The following RP1L1 variants were observed in gnomAD, a reference collection of about 807,000 sequenced individuals.
RP1L1 encodes RP1 like 1, also known as retinitis pigmentosa 1-like 1 protein.
RP1L1 carries 27 observed loss-of-function variants against 15.7 expected under a neutral mutation model. That is an observed-to-expected ratio of 1.72 (90% CI 1.27 to 2.38). RP1L1 has a LOEUF of 2.38. Among genes scored for constraint, RP1L1 ranks in the 30% most tolerant of loss-of-function variants. RP1L1 has a pLI of 0.00. For synonymous variants in RP1L1, 1,813 were observed against 1,276.7 expected, an observed-to-expected ratio of 1.42 and a Z score of -8.96; for missense variants, 4,798 against 3,075.9, an observed-to-expected ratio of 1.56 and a Z score of -13.24.
rs1489654069 is a variant in RP1L1 at position 10,608,247 on chromosome 8, C to A, written c.5851G>T (p.Glu1951Ter). Residue 1951 changes from glutamate to a stop codon, truncating the protein, a stop_gained, in exon 4 of 4, where the codon GAA becomes TAA. Coordinates refer to ENST00000382483, the MANE Select transcript of RP1L1 (RefSeq NM_178857.6). LOFTEE classifies it low-confidence loss of function (END_TRUNC). ...QEAEEAAQEA[E>*]GQTQPESEVI... ...TCTGACTCTGGCTGGGTCTGCCCTTCTGCCTCCTGGGCCGCCTCTTCTGCC... is the reference window on the plus strand; with the variant it reads ...TCTGACTCTGGCTGGGTCTGCCCTTATGCCTCCTGGGCCGCCTCTTCTGCC... 1 of 1,583,556 alleles carries A rather than the reference C, an allele frequency of 6.3e-7. No individual in the cohort carries two copies. Among genetic ancestry groups the A allele is most frequent in the Non-Finnish European group, 8.6e-7 (1 of 1,158,060 alleles).
At chr8:10,627,281 A>T (rs912870017) in intron 1 of RP1L1, among the ~76,000 whole-genome samples, 3 of 152,104 alleles carry the variant, frequency 2.0e-5, no homozygotes, top group African/African-American at 7.2e-5. Context: ...ATATAGACAA[A>T]CAAAGGAGAC....
Position 10,622,752 on chromosome 8 carries a change from G to A in RP1L1, c.450C>T (p.Thr150=), listed in dbSNP as rs753080956. 22 of 1,613,990 alleles carry A rather than the reference G, an allele frequency of 1.4e-5. No individual in the cohort carries two copies. The highest frequency in any genetic ancestry group is 1.7e-5 in the Non-Finnish European group (20 of 1,180,014). The part of the protein sequence containing the change: ...GTSSSRKSLK[T]PRRILLIKNM... ...TCTTAATCAGCAGTATCCTCCGGGG[G>A]GTTTTAAGACTCTTCCGGGAGGAGG... Residue 150 remains threonine (T), a synonymous_variant, in exon 2 of 4, where the codon ACC becomes ACT. Coordinates refer to ENST00000382483, the MANE Select transcript of RP1L1 (RefSeq NM_178857.6).
Position 10,606,728 on chromosome 8 carries a change from A to C in RP1L1, c.*167T>G. The C allele has an allele frequency of 8.6e-7, 1 of 1,161,148 alleles. No individual in the cohort carries two copies. The highest frequency in any genetic ancestry group is 1.2e-6 in the Non-Finnish European group (1 of 840,848). 71.9% of individuals were successfully genotyped at this position (1,161,148 alleles called of 1,614,324 possible). On this transcript the variant is annotated 3_prime_UTR_variant, in exon 4 of 4. Coordinates refer to ENST00000382483, the MANE Select transcript of RP1L1 (RefSeq NM_178857.6). ...AGAGCTCTCTGACACTTCTGGACTT[A>C]AGAGTCCCAGGACAGCATGGCATGG... is the stretch of plus-strand genomic sequence containing the variant.
intron 1 of RP1L1, among the ~76,000 whole-genome samples, chr8:10,631,337 A>ACACACTCG (rs1554456611): frequency 9.9e-6 from 1 of 101,356 alleles, no homozygotes; most frequent in African/African-American, 3.4e-5. Context: ...ACACACATGC[A>ACACACTCG]CACACACGCA....
At position 10,611,802 on chromosome 8, in the gene RP1L1, C is replaced by G; in HGVS notation, c.2296G>C (p.Ala766Pro). 1 of 1,613,656 alleles carries G rather than the reference C, an allele frequency of 6.2e-7. No homozygotes were observed. Residue 766 changes from alanine (A) to proline (P), a missense_variant, in exon 4 of 4, where the codon GCG becomes CCG. By Grantham distance (27) the Ala-to-Pro change is conservative (BLOSUM62 -1). Transcript: ENST00000382483. ...GCCGGCGAGCATGTCCTGGACCCCGCGTCCCCTGCCCACCCGGCAGAGGGA... is the reference window on the plus strand; with the variant it reads ...GCCGGCGAGCATGTCCTGGACCCCGGGTCCCCTGCCCACCCGGCAGAGGGA... ...NAPSAGWAGD[A>P]GSRTCSPAPI...
At chr8:10,618,365 G>C (rs1336350881) in intron 2 of RP1L1, among the ~76,000 whole-genome samples, 1 of 152,076 alleles carries the variant, frequency 6.6e-6, no homozygotes, top group African/African-American at 2.4e-5. Flanking sequence ...AAAATTACTT[G>C]AGCGTGGTGG....
chr8:10,620,315 A>C (rs992650259), intron 2 of RP1L1, among the ~76,000 whole-genome samples: 2 of 152,198 alleles, frequency 1.3e-5, no homozygotes, highest in Admixed American at 6.5e-5. Flanking sequence ...CTTAGAAGAC[A>C]CAACAGTGGG....
chr8:10,650,538 C>G (rs866307347), intron 1 of RP1L1, among the ~76,000 whole-genome samples: 3 of 151,184 alleles, frequency 2.0e-5, no homozygotes, highest in African/African-American at 4.9e-5. Flanking sequence ...GTCATAAGAG[C>G]AAGACTCCGT....
At position 10,622,959 on chromosome 8, in the gene RP1L1, G is replaced by A. The variant is rs1236835262; in HGVS notation, c.243C>T (p.Val81=). The A allele has an allele frequency of 1.9e-6, 3 of 1,614,000 alleles. No individual in the cohort carries two copies. The highest frequency in any genetic ancestry group is 2.5e-6 in the Non-Finnish European group (3 of 1,180,016). The change falls in exon 2 of 4, where the codon GTC becomes GTT. Residue 81 remains valine, a synonymous_variant. Coordinates refer to ENST00000382483, the MANE Select transcript of RP1L1 (RefSeq NM_178857.6). The stretch of plus-strand genomic sequence containing the variant: ...GGCTATGCAGGCCCCGGGGTGTGGT[G>A]ACAGAGCGCACCCCAAAGGAGAGAG... The part of the protein sequence containing the change: ...RVPLSFGVRS[V]TTPRGLHSLS...
chr8:10,610,907 G>T lies in RP1L1; in HGVS notation c.3191C>A (p.Ala1064Asp). 6.2e-7 allele frequency: 1 copy of T among 1,610,896 alleles called. No individual in the cohort carries two copies. The highest frequency in any genetic ancestry group is 8.5e-7 in the Non-Finnish European group (1 of 1,179,178). ...APAEAGADRE[A>D]PAGCRVSLRA... ...CAGGCTCACCCTGCAGCCTGCTGGGGCCTCTCTGTCTGCTCCGGCCTCTGC... is the reference window on the plus strand; with the variant it reads ...CAGGCTCACCCTGCAGCCTGCTGGGTCCTCTCTGTCTGCTCCGGCCTCTGC... The change falls in exon 4 of 4, where the codon GCC becomes GAC. Residue 1064 changes from alanine (A) to aspartate (D), a missense_variant. By Grantham distance (126) the Ala-to-Asp change is moderately radical. Coordinates refer to ENST00000382483, the MANE Select transcript of RP1L1 (RefSeq NM_178857.6).
rs747014074 is a variant in RP1L1 at position 10,623,109 on chromosome 8, C to A, written c.93G>T (p.Thr31=). The A allele has an allele frequency of 6.2e-7, 1 of 1,613,202 alleles. No homozygotes were observed. The highest frequency in any genetic ancestry group is 1.3e-5 in the African/African-American group (1 of 74,988). ...VARTPSVTKV[T]PAKKITFLKR... Reference sequence around the variant, plus strand: ...TGAGGAAGGTGATCTTCTTGGCTGGCGTGACCTTGGTGACCGAGGGGGTGC... The same window carrying A: ...TGAGGAAGGTGATCTTCTTGGCTGGAGTGACCTTGGTGACCGAGGGGGTGC... The change falls in exon 2 of 4, where the codon ACG becomes ACT. Residue 31 remains threonine, a synonymous_variant. Coordinates refer to ENST00000382483, the MANE Select transcript of RP1L1 (RefSeq NM_178857.6).
At chr8:10,636,809 G>A (rs975197935) in intron 1 of RP1L1, among the ~76,000 whole-genome samples, 18 of 152,202 alleles carry the variant, frequency 1.2e-4, no homozygotes, top group Non-Finnish European at 8.8e-5. Flanking sequence ...GATCAGAACC[G>A]ACTCCCTCCT....
intron 1 of RP1L1, among the ~76,000 whole-genome samples, chr8:10,641,185 T>G (rs1458871392): frequency 6.6e-6 from 1 of 152,236 alleles, no homozygotes; most frequent in Non-Finnish European, 1.5e-5. Flanking sequence ...CATGTTTTCT[T>G]GTCCCTCGCA....
chr8:10,623,237 G>A lies in RP1L1; in HGVS notation c.-19-17C>T, dbSNP rs1005191459. On this transcript the variant is annotated splice_polypyrimidine_tract_variant and intron_variant, in intron 1 of 3. Transcript: ENST00000382483. ...CTCTGGCCGCTGTAACAGGGCAGAGGAAGAGGGGTCAGAGAGCAGCTTGGG... is the reference window on the plus strand; with the variant it reads ...CTCTGGCCGCTGTAACAGGGCAGAGAAAGAGGGGTCAGAGAGCAGCTTGGG... 1.3e-6 allele frequency: 2 copies of A among 1,513,860 alleles called. No homozygotes were observed. Among genetic ancestry groups the A allele is most frequent in the African/African-American group, 1.4e-5 (1 of 72,038 alleles). The allele number at this position is 1,513,860 out of a possible 1,614,324, so 93.8% of individuals were successfully genotyped here.
At chr8:10,613,394 A>G in intron 3 of RP1L1, 48 bp from the exon 4 acceptor site, 1 of 1,598,124 alleles carries the variant, frequency 6.3e-7, no homozygotes, top group Non-Finnish European at 8.5e-7. Context: ...ACTGTGAGCC[A>G]TGGGGGCAGC....
At chr8:10,629,296 TG>T (rs33945241) in intron 1 of RP1L1, among the ~76,000 whole-genome samples, 152,304 of 152,308 alleles carry the variant, frequency 1, 76,150 homozygotes, top group Non-Finnish European at 1. Flanking sequence ...GGGCCCTGCC[TG>T]GGGGCTACCC....
At chr8:10,651,696 G>A (rs1208239036) in intron 1 of RP1L1, among the ~76,000 whole-genome samples, 1 of 150,578 alleles carries the variant, frequency 6.6e-6, no homozygotes, top group Non-Finnish European at 1.5e-5. Context: ...GGCGGAGGCT[G>A]CAGTGAGCCG....
Position 10,611,599 on chromosome 8 carries a change from C to A in RP1L1, c.2499G>T (p.Pro833=), listed in dbSNP as rs373310698. The A allele has an allele frequency of 8.1e-6, 13 of 1,611,798 alleles. No homozygotes were observed. In the South Asian group the frequency reaches 9.9e-5, roughly 12 times the overall value. ...AGGGTCCCCGCTGGGCCTCTTGGGC[C>A]GGCTGCGTCCCAGGCTGTGAGCAGC... is the stretch of plus-strand genomic sequence containing the variant. ...SHCCSQPGTQ[P]AQEAQRGPSP... Residue 833 remains proline, a synonymous_variant, in exon 4 of 4, where the codon CCG becomes CCT. Coordinates refer to ENST00000382483, the MANE Select transcript of RP1L1 (RefSeq NM_178857.6).
rs368785701 is a variant in RP1L1, at chr8:10,609,496, A to C, written c.4602T>G (p.Leu1534=). The C allele has an allele frequency of 1.5e-5, 24 of 1,610,556 alleles. No individual in the cohort carries two copies. The highest frequency in any genetic ancestry group is 2.0e-5 in the Non-Finnish European group (24 of 1,179,158). ...CTCGGAGCTCAGCCACCGCACTGGC[A>C]AGGTGGGCCAGGAAGGCCTTCTCCG... ...KKTEKAFLAH[L]ASAVAELRAR... Residue 1534 remains leucine (L), a synonymous_variant, in exon 4 of 4, where the codon CTT becomes CTG. Coordinates refer to ENST00000382483, the MANE Select transcript of RP1L1 (RefSeq NM_178857.6).
Sources: allele counts gnomAD v4.1 joint callset (sites outside exome capture counted in the v4.1 genomes callset), GRCh38; gene constraint gnomAD v4.1.1; transcripts MANE v1.5; gene names NCBI Gene and HGNC (gene_info 2026-07-23, HGNC 2026-07-21).